The following IL3RA variants were observed in gnomAD, a reference collection of about 807,000 sequenced individuals.
The protein encoded by IL3RA is interleukin 3 receptor subunit alpha.
Under a neutral mutation model 52.3 loss-of-function variants are expected in IL3RA, and 73 were observed. That is an observed-to-expected ratio of 1.40 (90% CI 1.16 to 1.70). The LOEUF (loss-of-function observed/expected upper bound fraction) is 1.70. IL3RA is among the 40% of genes most tolerant of loss of function. IL3RA has a pLI of 0.00. For missense variants in IL3RA, 664 were observed against 504.4 expected, an observed-to-expected ratio of 1.32 and a Z score of -3.03; for synonymous variants, 260 against 194.0, an observed-to-expected ratio of 1.34 and a Z score of -2.83.
intron 9 of IL3RA, among the ~76,000 whole-genome samples, chrX:1,376,633 A>G (rs1216457246): frequency 1.4e-5 from 2 of 146,988 alleles, no homozygotes; most frequent in African/African-American, 5.1e-5. Flanking sequence ...CAACCCTGTG[A>G]GGACACAGGG....
At chrX:1,381,462 G>A (rs2089173531) in intron 11 of IL3RA, among the ~76,000 whole-genome samples, 1 of 152,132 alleles carries the variant, frequency 6.6e-6, no homozygotes, top group African/African-American at 2.4e-5. Context: ...AGGATGAAGG[G>A]AGTGGGGGGA....
intron 4 of IL3RA, among the ~76,000 whole-genome samples, 166 bp downstream of exon 4, chrX:1,348,711 TGTTTC>T (rs2085928350): frequency 1.1e-5 from 1 of 89,252 alleles, no homozygotes; most frequent in East Asian, 2.2e-4. Context: ...TTTCTGTTTC[TGTTTC>T]TTTCTTCCTT....
chrX:1,364,715 G>A (rs1349312123), intron 8 of IL3RA, among the ~76,000 whole-genome samples: 2 of 151,698 alleles, frequency 1.3e-5, no homozygotes, highest in East Asian at 1.9e-4. Flanking sequence ...TGGGCTTAAG[G>A]AATTCTCCCA....
intron 8 of IL3RA, 108 bp downstream of exon 8, chrX:1,358,995 T>TTTTC: frequency 1.3e-6 from 1 of 779,524 alleles, no homozygotes; most frequent in Non-Finnish European, 1.8e-6. Context: ...ATTAATAAAA[T>TTTTC]AATGAAAATA....
At chrX:1,367,846 C>G (rs1165832093) in intron 9 of IL3RA, among the ~76,000 whole-genome samples, 1 of 150,780 alleles carries the variant, frequency 6.6e-6, no homozygotes, top group African/African-American at 2.4e-5. Context: ...CATCCTGGGT[C>G]ACGGAAACAC....
At chrX:1,341,976 C>G (rs2085513851) in intron 2 of IL3RA, 147 bp downstream of exon 2, 1 of 820,036 alleles carries the variant, frequency 1.2e-6, no homozygotes, top group Admixed American at 2.2e-5. Flanking sequence ...GACTCAGACA[C>G]TTCCCTGTAC....
chrX:1,358,147 T>C lies in IL3RA; in HGVS notation c.733-714T>C, dbSNP rs746455089. 2.0e-5 allele frequency among the ~76,000 whole-genome samples: 3 copies of C among 152,040 alleles called. No individual in the cohort carries two copies. In the South Asian group the frequency reaches 6.2e-4, roughly 32 times the overall value. On this transcript the variant is annotated intron_variant, in intron 7 of 11. Transcript: ENST00000331035. ...AGAAAATAAATACAGCACAGACTTC[T>C]TTCTTTCACTGATTTGAGGGAGCAG...
intron 4 of IL3RA, among the ~76,000 whole-genome samples, chrX:1,349,325 G>C (rs1473668425): frequency 1.3e-5 from 2 of 151,706 alleles, no homozygotes; most frequent in Non-Finnish European, 2.9e-5. Context: ...GGGATTATAG[G>C]CGCCCACCGC....
intron 3 of IL3RA, 28 bp downstream of exon 3, chrX:1,345,462 AT>A: frequency 7.3e-7 from 1 of 1,361,972 alleles, no homozygotes; most frequent in Non-Finnish European, 1.0e-6. Flanking sequence ...TTGTTTTTTT[AT>A]TTTTATTTTA....
chrX:1,368,547 C>T (rs1479990070), intron 9 of IL3RA, among the ~76,000 whole-genome samples: 23 of 152,240 alleles, frequency 1.5e-4, no homozygotes, highest in African/African-American at 4.6e-4. Flanking sequence ...GCTTTGATCC[C>T]CCAGGACCTC....
chrX:1,343,208 C>T (rs28619190), intron 2 of IL3RA, among the ~76,000 whole-genome samples: 28,425 of 151,864 alleles, frequency 0.19, 4,908 homozygotes, highest in African/African-American at 0.46. Flanking sequence ...GCTTTGGTCC[C>T]GCTTATCAAA....
At chrX:1,345,233 CA>C (rs112995756) in intron 2 of IL3RA, 82 bp from the exon 3 acceptor site, 7,522 of 670,056 alleles carry the variant, frequency 0.011, 2 homozygotes, top group South Asian at 0.016. Context: ...ACTCCACGGG[CA>C]AAAAAAAAAA....
chrX:1,349,328 C>T (rs1487924947), intron 4 of IL3RA, among the ~76,000 whole-genome samples: 2 of 151,450 alleles, frequency 1.3e-5, no homozygotes, highest in Admixed American at 6.6e-5. Context: ...ATTATAGGCG[C>T]CCACCGCCAC....
At chrX:1,361,982 CTCTG>C (rs1486258088) in intron 8 of IL3RA, among the ~76,000 whole-genome samples, 2 of 151,820 alleles carry the variant, frequency 1.3e-5, no homozygotes, top group South Asian at 2.1e-4. Flanking sequence ...CACCCACTCT[CTCTG>C]TCTCTCTGCT....
At position 1,365,208 on chromosome X, in the gene IL3RA, G is replaced by A. The variant is rs150618950; in HGVS notation, c.830G>A (p.Arg277Lys). 8.7e-6 allele frequency: 14 copies of A among 1,611,352 alleles called. No individual in the cohort carries two copies. In the African/African-American group the frequency reaches 1.5e-4, roughly 17 times the overall value. The change falls in exon 9 of 12, where the codon AGA becomes AAA. Residue 277 changes from arginine (R) to lysine (K), a missense_variant. Arg to Lys is a conservative substitution (Grantham distance 26). Transcript: ENST00000331035. ...ACAGTACAAATAAGAGCCCGGGAAA[G>A]AGTGTATGAATTCTTGAGCGCCTGG... Reference protein sequence around the residue: ...TYTVQIRARERVYEFLSAWST... With the variant: ...TYTVQIRAREKVYEFLSAWST...
At chrX:1,363,040 T>G (rs1452779641) in intron 8 of IL3RA, among the ~76,000 whole-genome samples, 1 of 152,002 alleles carries the variant, frequency 6.6e-6, no homozygotes, top group Non-Finnish European at 1.5e-5. Flanking sequence ...CCTCCCAAAG[T>G]GCTGGGATTA....
At chrX:1,339,388 G>T (rs1320834394) in intron 1 of IL3RA, among the ~76,000 whole-genome samples, 1 of 152,196 alleles carries the variant, frequency 6.6e-6, no homozygotes, top group Non-Finnish European at 1.5e-5. Flanking sequence ...TTTCCCTGCT[G>T]CCCTCAGTCC....
chrX:1,350,099 C>A (rs1177701937), intron 4 of IL3RA, among the ~76,000 whole-genome samples: 2 of 152,284 alleles, frequency 1.3e-5, no homozygotes, highest in East Asian at 3.9e-4. Context: ...AAAACAGTCT[C>A]CTGGGTTGCA....
intron 2 of IL3RA, among the ~76,000 whole-genome samples, chrX:1,344,085 C>T (rs112573222): frequency 0.021 from 3,163 of 152,118 alleles, 38 homozygotes; most frequent in Non-Finnish European, 0.029. Context: ...TGAGCCACCA[C>T]GCCCGTTTGC....
Sources: allele counts gnomAD v4.1 joint callset (sites outside exome capture counted in the v4.1 genomes callset), GRCh38; gene constraint gnomAD v4.1.1; transcripts MANE v1.5; gene names NCBI Gene and HGNC (gene_info 2026-07-23, HGNC 2026-07-21).